PAK6: variants seen among roughly 807,000 people sequenced by gnomAD.
PAK6 encodes the protein p21 (RAC1) activated kinase 6, also known as serine/threonine-protein kinase PAK 6.
A neutral mutation model predicts 60.8 loss-of-function variants in PAK6; 33 were observed. The ratio of observed to expected loss-of-function variants is 0.54; its 90% CI spans 0.41 to 0.73. The LOEUF (loss-of-function observed/expected upper bound fraction) is 0.73. Among genes scored for constraint, PAK6 ranks in the 30% least tolerant of loss-of-function variants. The pLI is 0.00. For missense variants in PAK6, 845 were observed against 904.1 expected, an observed-to-expected ratio of 0.93 and a Z score of 0.84; for synonymous variants, 404 against 378.5, an observed-to-expected ratio of 1.07 and a Z score of -0.78.
chr15:40,254,820 G>A (rs1358506121), intron 3 of PAK6, among the ~76,000 whole-genome samples: 2 of 152,214 alleles, frequency 1.3e-5, no homozygotes, highest in African/African-American at 4.8e-5. Context: ...TTAGCCATTA[G>A]ATGTACTAAT....
Position 40,272,199 on chromosome 15 carries a change from C to A in PAK6, c.859-25C>A. The stretch of plus-strand genomic sequence containing the variant: ...TTCCAAATGCTCCCACAGCCCTGAC[C>A]CTTCCTGTTGCTTTGTCCCTGCAGC... On this transcript the variant is annotated intron_variant, in intron 5 of 10. Transcript: ENST00000560346. 3 of 1,591,678 alleles carry A rather than the reference C, an allele frequency of 1.9e-6. No homozygotes were observed. The South Asian group carries it at 3.4e-5, about 18-fold the overall frequency.
intron 2 of PAK6, among the ~76,000 whole-genome samples, chr15:40,248,989 A>G (rs11070260): frequency 0.59 from 89,962 of 151,988 alleles, 26,954 homozygotes; most frequent in South Asian, 0.72. Context: ...AATACTATGG[A>G]CTGGTGGCTT....
chr15:40,246,336 A>C (rs1323126452), intron 2 of PAK6: 1 of 152,274 alleles, frequency 6.6e-6, no homozygotes, highest in East Asian at 1.9e-4. Context: ...ATCAGAGGTC[A>C]GTTCCCAGAA....
At chr15:40,271,723 G>T (rs565552540) in intron 5 of PAK6, among the ~76,000 whole-genome samples, 1 of 150,302 alleles carries the variant, frequency 6.7e-6, no homozygotes, top group African/African-American at 2.4e-5. Flanking sequence ...CCTTGGTTCA[G>T]GGAGTGGAGA....
intron 3 of PAK6, among the ~76,000 whole-genome samples, chr15:40,263,440 G>C (rs780752362): frequency 2.6e-5 from 4 of 152,122 alleles, no homozygotes; most frequent in Non-Finnish European, 5.9e-5. Flanking sequence ...GGCGAAACTA[G>C]AGCAACCCTT....
intron 2 of PAK6, among the ~76,000 whole-genome samples, chr15:40,242,366 C>T (rs1437851714): frequency 6.6e-6 from 1 of 152,236 alleles, no homozygotes; most frequent in Non-Finnish European, 1.5e-5. Flanking sequence ...GGAGGCTGTC[C>T]TGTGGACTGA....
chr15:40,276,370 C>T (rs2039454899), exon 11 of PAK6: 3 of 433,166 alleles, frequency 6.9e-6, no homozygotes, highest in South Asian at 3.9e-5. Flanking sequence ...CAGAGGCCAG[C>T]GTTCCTGGCC....
exon 11 of PAK6, chr15:40,276,050 G>C (rs1445678288): frequency 6.2e-7 from 1 of 1,613,610 alleles, no homozygotes; most frequent in Non-Finnish European, 8.5e-7. Context: ...TGAGTGCCTG[G>C]TGCCCCTGAT....
At chr15:40,269,155 AT>A (rs758446197) in intron 5 of PAK6, among the ~76,000 whole-genome samples, 245 of 152,296 alleles carry the variant, frequency 1.6e-3, no homozygotes, top group Non-Finnish European at 3.1e-3. Flanking sequence ...AGTAGCTGGG[AT>A]TACAGGCACG....
At chr15:40,240,712 G>C (rs1354872345) in intron 2 of PAK6, 31 bp downstream of exon 2, 1 of 435,996 alleles carries the variant, frequency 2.3e-6, no homozygotes, top group African/African-American at 2.1e-5. Flanking sequence ...GCGTGCTCCG[G>C]ATTCCTGGGC....
At chr15:40,253,118 A>G (rs1004299855) in intron 2 of PAK6, 60 bp from the exon 3 acceptor site, 2 of 429,762 alleles carry the variant, frequency 4.7e-6, no homozygotes, top group Non-Finnish European at 9.5e-6. Flanking sequence ...GCCAGTCGCA[A>G]CACCCGCGGG....
intron 3 of PAK6, chr15:40,259,742 G>C (rs1331526374): frequency 8.4e-6 from 1 of 118,896 alleles, no homozygotes; most frequent in South Asian, 2.9e-4. Flanking sequence ...AGCCAAGATC[G>C]CACCACTGTA....
chr15:40,266,055 C>T (rs1329139382), exon 5 of PAK6: 3 of 1,609,284 alleles, frequency 1.9e-6, no homozygotes, highest in Non-Finnish European at 2.5e-6. Context: ...GCGCACTGAC[C>T]CCCACGGCCT....
exon 6 of PAK6, chr15:40,272,442 C>G (rs776213543): frequency 3.7e-6 from 6 of 1,613,676 alleles, no homozygotes; most frequent in Non-Finnish European, 5.1e-6. Context: ...ACGCCCAGAT[C>G]AGCACCAGCA....
chr15:40,274,992 G>A (rs1431962172), intron 10 of PAK6, among the ~76,000 whole-genome samples: 3 of 152,222 alleles, frequency 2.0e-5, no homozygotes, highest in Non-Finnish European at 2.9e-5. Flanking sequence ...TGGATGGGAG[G>A]ACCAACAGGA....
upstream of PAK6, chr15:40,239,312 C>T (rs1326901376): frequency 1.3e-5 from 2 of 152,432 alleles, no homozygotes; most frequent in Non-Finnish European, 2.9e-5. Flanking sequence ...CTGCTCCCGT[C>T]CTGATGTGCC....
chr15:40,276,240 A>G (rs34376657), exon 11 of PAK6: 2 of 809,968 alleles, frequency 2.5e-6, no homozygotes, highest in African/African-American at 1.7e-5. Context: ...TCTGCCCTTC[A>G]GCCTACTGGG....
intron 2 of PAK6, among the ~76,000 whole-genome samples, chr15:40,242,273 A>G (rs1356003571): frequency 2.6e-5 from 4 of 152,208 alleles, no homozygotes; most frequent in Non-Finnish European, 5.9e-5. Flanking sequence ...TAAGACACTG[A>G]AAGATTGAAT....
intron 5 of PAK6, among the ~76,000 whole-genome samples, chr15:40,270,681 C>G (rs2039276355): frequency 6.6e-6 from 1 of 152,216 alleles, no homozygotes; most frequent in Non-Finnish European, 1.5e-5. Flanking sequence ...TGTTTACTGT[C>G]CAAATGTACT....
Sources: allele counts gnomAD v4.1 joint callset (sites outside exome capture counted in the v4.1 genomes callset), GRCh38; gene constraint gnomAD v4.1.1; transcripts MANE v1.5; gene names NCBI Gene and HGNC (gene_info 2026-07-23, HGNC 2026-07-21).